Variants in EPHA5 observed in about 807,000 individuals in gnomAD.
The protein encoded by EPHA5 is EPH receptor A5.
Under a neutral mutation model 105.0 loss-of-function variants are expected in EPHA5, and 60 were observed. The ratio of observed to expected loss-of-function variants is 0.57; its 90% CI spans 0.46 to 0.71. EPHA5 has a LOEUF of 0.71. Ranked by LOEUF, EPHA5 falls within the 30% of genes least tolerant of loss-of-function variation. The pLI is 0.00. For synonymous variants in EPHA5, 513 were observed against 449.1 expected, an observed-to-expected ratio of 1.14 and a Z score of -1.80; for missense variants, 1,218 against 1,274.7, an observed-to-expected ratio of 0.96 and a Z score of 0.68.
intron 3 of EPHA5, among the ~76,000 whole-genome samples, chr4:65,549,425 G>A (rs1057078552): frequency 6.6e-6 from 1 of 152,108 alleles, no homozygotes; most frequent in Non-Finnish European, 1.5e-5. Context: ...GTAAGCATGT[G>A]CCAAAATTAT....
At chr4:65,358,903 AGATGTTCGTT>A (rs1201585184) in intron 11 of EPHA5, among the ~76,000 whole-genome samples, 1 of 151,554 alleles carries the variant, frequency 6.6e-6, no homozygotes, top group Non-Finnish European at 1.5e-5. Flanking sequence ...CCTTTTCAAT[AGATGTTCGTT>A]TCTCAAATTA....
At chr4:65,326,424 A>G (rs1463250152) in intron 16 of EPHA5, among the ~76,000 whole-genome samples, 5 of 151,418 alleles carry the variant, frequency 3.3e-5, no homozygotes, top group Non-Finnish European at 5.9e-5. Flanking sequence ...GTAATTTAAA[A>G]TGTCCAAAAT....
chr4:65,530,405 G>A (rs572497706), intron 3 of EPHA5, among the ~76,000 whole-genome samples: 1 of 58,240 alleles, frequency 1.7e-5, no homozygotes, highest in South Asian at 9.4e-4. Flanking sequence ...TATGTAAACA[G>A]GTGTACATTT....
intron 3 of EPHA5, among the ~76,000 whole-genome samples, chr4:65,557,884 T>C (rs987488699): frequency 2.1e-5 from 3 of 140,080 alleles, no homozygotes; most frequent in East Asian, 2.0e-4. Flanking sequence ...GGTAAAATTC[T>C]TTTTTTTTTT....
intron 1 of EPHA5, among the ~76,000 whole-genome samples, chr4:65,650,468 G>T (rs1056169205): frequency 3.6e-4 from 54 of 150,764 alleles, no homozygotes; most frequent in Non-Finnish European, 7.4e-5. Context: ...GCTGAGGCAG[G>T]AGAATGGCGT....
In EPHA5 at chr4:65,458,005, C is replaced by T. The variant is rs752451427; in HGVS notation, c.1402+32372G>A. 3.8e-5 allele frequency among the ~76,000 whole-genome samples: 5 copies of T among 131,866 alleles called. No homozygotes were observed. The South Asian group carries it at 9.8e-4, about 26-fold the overall frequency. The allele number at this position is 131,866 out of a possible 152,430, so 86.5% of individuals were successfully genotyped here. On this transcript the variant is annotated intron_variant, in intron 5 of 16. Transcript: ENST00000613740. The stretch of plus-strand genomic sequence containing the variant: ...AGGAGAATCGCTTGAACCCGAGAGG[C>T]GGAACTTGCAGTGAGCCGAGATTAC...
chr4:65,610,805 G>T (rs889628907), intron 2 of EPHA5, among the ~76,000 whole-genome samples: 2 of 152,072 alleles, frequency 1.3e-5, no homozygotes, highest in African/African-American at 4.8e-5. Flanking sequence ...TTTAAAAGAT[G>T]CAAATAACAA....
chr4:65,649,526 T>C (rs1748410369), intron 1 of EPHA5, among the ~76,000 whole-genome samples: 1 of 152,204 alleles, frequency 6.6e-6, no homozygotes, highest in Admixed American at 6.5e-5. Flanking sequence ...CCACAAAGTA[T>C]TTTCTAAAAA....
intron 2 of EPHA5, among the ~76,000 whole-genome samples, chr4:65,606,150 G>T (rs973101190): frequency 1.3e-5 from 2 of 152,086 alleles, no homozygotes; most frequent in Admixed American, 6.6e-5. Flanking sequence ...CAGACGTCAT[G>T]TAACCATCAA....
In EPHA5 at chr4:65,490,390, G is replaced by T. The variant is rs148039179; in HGVS notation, c.1389C>A (p.Thr463=). Reference sequence around the variant, plus strand: ...CATGGCACTTACCTGCTTGATTTGTGGTTACATTTACAGACACATACTGCC... The same window carrying T: ...CATGGCACTTACCTGCTTGATTTGTTGTTACATTTACAGACACATACTGCC... ...GARQYVSVNV[T]TNQAAPSPVT... is the part of the protein sequence containing the mutation. Residue 463 remains threonine (T), a synonymous_variant, in exon 5 of 17, where the codon ACC becomes ACA. Coordinates refer to ENST00000613740, the MANE Select transcript of EPHA5 (RefSeq NM_001281766.3). 6.2e-7 allele frequency: 1 copy of T among 1,613,570 alleles called. No homozygotes were observed.
At chr4:65,405,006 T>G (rs1304101413) in intron 7 of EPHA5, among the ~76,000 whole-genome samples, 1 of 152,138 alleles carries the variant, frequency 6.6e-6, no homozygotes, top group Non-Finnish European at 1.5e-5. Flanking sequence ...TTCTGAATAT[T>G]ATTATAAAAA....
At chr4:65,615,644 A>C (rs989489284) in intron 2 of EPHA5, among the ~76,000 whole-genome samples, 1 of 151,970 alleles carries the variant, frequency 6.6e-6, no homozygotes, top group Admixed American at 6.6e-5. Flanking sequence ...GACAATACTG[A>C]AAAGTGTATA....
At chr4:65,425,783 T>G (rs1724379124) in intron 5 of EPHA5, among the ~76,000 whole-genome samples, 1 of 152,110 alleles carries the variant, frequency 6.6e-6, no homozygotes, top group South Asian at 2.1e-4. Flanking sequence ...TTAGCAACTT[T>G]GCCTTTCTGT....
intron 2 of EPHA5, among the ~76,000 whole-genome samples, chr4:65,623,834 C>T (rs1488919826): frequency 1.3e-5 from 2 of 152,136 alleles, no homozygotes; most frequent in Admixed American, 1.3e-4. Flanking sequence ...ATAAGTTATA[C>T]AGGATATGTG....
chr4:65,588,929 C>A (rs1578508104), intron 3 of EPHA5, among the ~76,000 whole-genome samples: 1 of 152,264 alleles, frequency 6.6e-6, no homozygotes, highest in Non-Finnish European at 1.5e-5. Context: ...AAGACCCCAG[C>A]ACTTTATCTA....
chr4:65,402,369 T>C (rs759403112), intron 8 of EPHA5, among the ~76,000 whole-genome samples: 6 of 152,134 alleles, frequency 3.9e-5, no homozygotes, highest in Non-Finnish European at 8.8e-5. Context: ...AATGATACTA[T>C]CCTTCGGTTA....
At chr4:65,563,837 G>A (rs114883045) in intron 3 of EPHA5, among the ~76,000 whole-genome samples, 16 of 152,070 alleles carry the variant, frequency 1.1e-4, no homozygotes, top group African/African-American at 3.9e-4. Flanking sequence ...TATATGCAAA[G>A]TTGTGGGAGC....
rs191446559 is a variant in EPHA5, at chr4:65,606,160, A to G, written c.247-3856T>C. On this transcript the variant is annotated intron_variant, in intron 2 of 16. Transcript: ENST00000613740. ...TTTTCCAGACGTCATGTAACCATCAATAAGTCTTTTTTTTCTTTTGCTATA... is the reference window on the plus strand; with the variant it reads ...TTTTCCAGACGTCATGTAACCATCAGTAAGTCTTTTTTTTCTTTTGCTATA... Among the ~76,000 whole-genome samples, 11 of 152,210 alleles carry G rather than the reference A, an allele frequency of 7.2e-5. No individual in the cohort carries two copies. In the East Asian group the frequency reaches 2.1e-3, roughly 29 times the overall value.
chr4:65,535,245 G>A (rs1022346498), intron 3 of EPHA5, among the ~76,000 whole-genome samples: 1 of 152,028 alleles, frequency 6.6e-6, no homozygotes, highest in African/African-American at 2.4e-5. Context: ...CTGTAATCTT[G>A]GATAACTTGC....
Sources: gnomAD v4.1 joint callset for allele counts (sites outside exome capture counted in the v4.1 genomes callset) on GRCh38, gnomAD v4.1.1 for gene constraint, MANE v1.5 for transcripts, NCBI Gene and HGNC (gene_info 2026-07-23, HGNC 2026-07-21) for gene names.